The following COL4A6 variants were observed in gnomAD, a reference collection of about 807,000 sequenced individuals.
COL4A6 encodes the protein collagen alpha-6(IV) chain.
A neutral mutation model predicts 126.7 loss-of-function variants in COL4A6; 59 were observed. The ratio of observed to expected loss-of-function variants is 0.47; its 90% CI spans 0.38 to 0.58. COL4A6 has a LOEUF of 0.58. COL4A6 is among the 20% of genes least tolerant of loss of function. COL4A6 has a pLI of 0.00. For synonymous variants in COL4A6, 547 were observed against 496.6 expected, an observed-to-expected ratio of 1.10 and a Z score of -1.35; for missense variants, 1,285 against 1,337.3, an observed-to-expected ratio of 0.96 and a Z score of 0.61.
At chrX:108,204,579 A>G in intron 11 of COL4A6, 167 bp from the exon 12 acceptor site, 1 of 544,547 alleles carries the variant, frequency 1.8e-6, no homozygotes. Context: ...AAGGGTGAGA[A>G]GAATTATAAG....
intron 3 of COL4A6, among the ~76,000 whole-genome samples, chrX:108,294,299 G>A (rs187313056): frequency 1.4e-4 from 16 of 111,024 alleles, no homozygotes; most frequent in African/African-American, 5.2e-4. Flanking sequence ...AACAAAAGTA[G>A]GTCTAACAAA....
At chrX:108,241,998 T>G (rs941382854) in intron 3 of COL4A6, among the ~76,000 whole-genome samples, 1 of 106,312 alleles carries the variant, frequency 9.4e-6, no homozygotes, top group African/African-American at 3.5e-5. Context: ...CACCAGTTTT[T>G]TTTTTTTTTT....
chrX:108,268,410 T>C (rs1162494018), intron 3 of COL4A6: 6 of 112,492 alleles, frequency 5.3e-5, no homozygotes, highest in African/African-American at 1.9e-4. Flanking sequence ...ACAACAACCA[T>C]ATGAGGGAGG....
chrX:108,319,193 A>G (rs1241239107), intron 2 of COL4A6, among the ~76,000 whole-genome samples: 2 of 112,048 alleles, frequency 1.8e-5, no homozygotes, highest in Admixed American at 9.4e-5. Context: ...CCTGGGCAAC[A>G]TGGTGATACC....
intron 2 of COL4A6, among the ~76,000 whole-genome samples, chrX:108,394,201 C>T (rs1441367560): frequency 4.5e-5 from 5 of 110,907 alleles, no homozygotes; most frequent in Middle Eastern, 9.1e-3. Context: ...TGCATGTTCT[C>T]GCTGATAAGC....
At chrX:108,260,001 T>G (rs1329046202) in intron 3 of COL4A6, among the ~76,000 whole-genome samples, 1 of 110,846 alleles carries the variant, frequency 9.0e-6, no homozygotes, top group African/African-American at 3.3e-5. Flanking sequence ...TTAGTATTTT[T>G]TTTTCGGATG....
At chrX:108,255,185 CAAAAAAAAA>C (rs34052577) in intron 3 of COL4A6, among the ~76,000 whole-genome samples, 2 of 31,556 alleles carry the variant, frequency 6.3e-5, no homozygotes, top group Non-Finnish European at 1.0e-4. Context: ...CCACAGGGGG[CAAAAAAAAA>C]AAAAAAAAAA....
chrX:108,327,896 T>C (rs372963959), intron 2 of COL4A6, among the ~76,000 whole-genome samples: 25 of 110,974 alleles, frequency 2.3e-4, no homozygotes, highest in African/African-American at 8.2e-4. Flanking sequence ...CCCAAATAAG[T>C]GATGGCCTGA....
At chrX:108,317,820 G>C (rs2038921077) in intron 2 of COL4A6, among the ~76,000 whole-genome samples, 1 of 111,963 alleles carries the variant, frequency 8.9e-6, no homozygotes, top group Non-Finnish European at 1.9e-5. Flanking sequence ...ATGCTGTTTT[G>C]GTGACTGTAG....
chrX:108,219,281 T>C (rs1428558393), intron 5 of COL4A6, among the ~76,000 whole-genome samples: 1 of 112,239 alleles, frequency 8.9e-6, no homozygotes, highest in East Asian at 2.8e-4. Context: ...AATTACAAAA[T>C]GGAATGTATC....
chrX:108,246,945 T>C (rs749664971), intron 3 of COL4A6, among the ~76,000 whole-genome samples: 5 of 111,946 alleles, frequency 4.5e-5, no homozygotes, highest in South Asian at 3.7e-4. Context: ...CCTCATAAAG[T>C]TCTTGACATA....
intron 31 of COL4A6, among the ~76,000 whole-genome samples, chrX:108,173,286 C>T (rs2034373208): frequency 8.9e-6 from 1 of 112,196 alleles, no homozygotes. Context: ...GACACCCCTC[C>T]ATCGTGGCTG....
intron 3 of COL4A6, among the ~76,000 whole-genome samples, chrX:108,261,457 T>A (rs768095314): frequency 9.0e-6 from 1 of 111,569 alleles, no homozygotes; most frequent in East Asian, 2.8e-4. Flanking sequence ...ATTTTATAGA[T>A]GAGGAAAATG....
At chrX:108,308,603 A>G (rs770147894) in intron 3 of COL4A6, among the ~76,000 whole-genome samples, 1 of 112,584 alleles carries the variant, frequency 8.9e-6, no homozygotes, top group African/African-American at 3.2e-5. Flanking sequence ...GTAATATGTG[A>G]AAAGACATTT....
At chrX:108,342,597 G>A (rs1465404855) in intron 2 of COL4A6, among the ~76,000 whole-genome samples, 7 of 111,674 alleles carry the variant, frequency 6.3e-5, no homozygotes, top group African/African-American at 9.8e-5. Context: ...GAAAAGCAAT[G>A]GCACATTCTA....
At chrX:108,311,118 G>A (rs1198293708) in intron 2 of COL4A6, among the ~76,000 whole-genome samples, 2 of 112,044 alleles carry the variant, frequency 1.8e-5, no homozygotes, top group Non-Finnish European at 3.8e-5. Context: ...CTTGGGGGCT[G>A]GAAATAGACT....
intron 44 of COL4A6, among the ~76,000 whole-genome samples, chrX:108,158,666 G>A (rs1016588502): frequency 8.9e-5 from 10 of 111,972 alleles, no homozygotes; most frequent in African/African-American, 1.9e-4. Flanking sequence ...AGGTAGGTAC[G>A]CTAATGTTGG....
chrX:108,422,512 A>G lies in COL4A6; in HGVS notation c.63+15430T>C, dbSNP rs143050876. On this transcript the variant is annotated intron_variant, in intron 2 of 44. Transcript: ENST00000334504. ...AACAAAAATCCATAAATGAACACAT[A>G]CTCTCGAAGGAATTCAGGAGGGCAC... 5.4e-4 allele frequency among the ~76,000 whole-genome samples: 60 copies of G among 112,035 alleles called. No homozygotes were observed. The East Asian group carries it at 8.1e-3, about 15-fold the overall frequency.
intron 2 of COL4A6, among the ~76,000 whole-genome samples, chrX:108,333,867 C>G (rs1391321729): frequency 9.0e-6 from 1 of 110,993 alleles, no homozygotes; most frequent in African/African-American, 3.3e-5. Flanking sequence ...ACAAGGAGAA[C>G]TACAAAACAC....
Sources: allele counts gnomAD v4.1 joint callset (sites outside exome capture counted in the v4.1 genomes callset), GRCh38; gene constraint gnomAD v4.1.1; transcripts MANE v1.5; gene names NCBI Gene and HGNC (gene_info 2026-07-23, HGNC 2026-07-21).